Variants in TBC1D13 observed in about 807,000 individuals in gnomAD.
TBC1D13 encodes the protein TBC1 domain family member 13.
Under a neutral mutation model 53.6 loss-of-function variants are expected in TBC1D13, and 40 were observed. The observed-to-expected ratio is 0.75, with a 90% CI of 0.58 to 0.97. The LOEUF (loss-of-function observed/expected upper bound fraction) is 0.97, where lower values mean the gene tolerates loss of function less well. TBC1D13 is among the 50% of genes least tolerant of loss of function. TBC1D13 has a pLI of 0.00. For synonymous variants in TBC1D13, 182 were observed against 197.7 expected (o/e 0.92, Z 0.67); for missense variants, 377 against 499.4 (o/e 0.75, Z 2.34).
chr9:128,797,287 C>A, intron 7 of TBC1D13, 73 bp downstream of exon 7: 2 of 1,511,538 alleles, frequency 1.3e-6, no homozygotes, highest in South Asian at 1.2e-5. Flanking sequence ...AAACTCCTGG[C>A]CACAAGGTGT....
chr9:128,790,305 G>T (rs530929841), intron 2 of TBC1D13, among the ~76,000 whole-genome samples: 3 of 151,444 alleles, frequency 2.0e-5, no homozygotes, highest in African/African-American at 7.3e-5. Flanking sequence ...TGGGTATGGT[G>T]GCTCACGCCT....
At chr9:128,795,993 G>A (rs1008318924) in intron 6 of TBC1D13, among the ~76,000 whole-genome samples, 4 of 152,156 alleles carry the variant, frequency 2.6e-5, no homozygotes, top group African/African-American at 9.7e-5. Flanking sequence ...ATATCTATTT[G>A]CAAATACACA....
rs867356322 is a variant in TBC1D13, at chr9:128,787,384, G to T, written c.23+8G>T. 1 of 1,259,448 alleles carries T rather than the reference G, an allele frequency of 7.9e-7. No individual in the cohort carries two copies. The highest frequency in any genetic ancestry group is 3.1e-5 in the East Asian group (1 of 32,610). The allele number at this position is 1,259,448 out of a possible 1,614,324, so 78.0% of individuals were successfully genotyped here. ...AAGTCTGCACAAGAGCCGGTAAGGG[G>T]CCATGGGGCCTGACCCGGCTGGGCC... is the stretch of plus-strand genomic sequence containing the variant. On this transcript the variant is annotated splice_region_variant and intron_variant, in intron 1 of 11. Coordinates refer to ENST00000372648, the MANE Select transcript of TBC1D13 (RefSeq NM_018201.5).
In TBC1D13 at chr9:128,807,943, A is replaced by G; in HGVS notation, c.*64A>G. On this transcript the variant is annotated 3_prime_UTR_variant, in exon 12 of 12. Coordinates refer to ENST00000372648, the MANE Select transcript of TBC1D13 (RefSeq NM_018201.5). ...CCGACCCTGTGCCCTGGCTCCCGGG[A>G]CACATAGAAACCTGTAGGAACCCAG... 1 of 1,517,486 alleles carries G rather than the reference A, an allele frequency of 6.6e-7. No individual in the cohort carries two copies. Among genetic ancestry groups the G allele is most frequent in the Non-Finnish European group, 9.1e-7 (1 of 1,094,982 alleles). 94.0% of individuals were successfully genotyped at this position (1,517,486 alleles called of 1,614,324 possible).
At chr9:128,806,709 G>GGGAT (rs1480832274) in intron 11 of TBC1D13, among the ~76,000 whole-genome samples, 1 of 152,074 alleles carries the variant, frequency 6.6e-6, no homozygotes, top group Non-Finnish European at 1.5e-5. Flanking sequence ...TTGGGAGGCT[G>GGGAT]GGGTGGGTGG....
intron 6 of TBC1D13, among the ~76,000 whole-genome samples, chr9:128,794,863 G>A (rs921204329): frequency 3.3e-5 from 5 of 151,582 alleles, no homozygotes; most frequent in Admixed American, 2.0e-4. Context: ...AAAAATGTGC[G>A]TGTACTGCAA....
intron 6 of TBC1D13, among the ~76,000 whole-genome samples, chr9:128,794,322 C>T (rs1277347671): frequency 6.6e-6 from 1 of 152,192 alleles, no homozygotes; most frequent in African/African-American, 2.4e-5. Context: ...AGCCAGGCTG[C>T]AGGAAAAAGG....
chr9:128,788,252 G>A, intron 1 of TBC1D13, 82 bp from the exon 2 acceptor site: 1 of 1,234,500 alleles, frequency 8.1e-7, no homozygotes, highest in South Asian at 1.2e-5. Flanking sequence ...TTGGAAACTG[G>A]CAGTGTGAGG....
intron 2 of TBC1D13, among the ~76,000 whole-genome samples, chr9:128,788,723 T>TGGA (rs1554794386): frequency 6.6e-6 from 1 of 151,992 alleles, no homozygotes; most frequent in Admixed American, 6.6e-5. Flanking sequence ...GAATGAGAGT[T>TGGA]GGGACCTTTT....
rs1589579359 is a variant in TBC1D13 at position 128,808,277 on chromosome 9, T to C, written c.*398T>C. The C allele has an allele frequency of 4.1e-6, 1 of 242,178 alleles. No individual in the cohort carries two copies. The highest frequency in any genetic ancestry group is 8.2e-5 in the East Asian group (1 of 12,164). The allele number at this position is 242,178 out of a possible 1,614,324, so 15.0% of individuals were successfully genotyped here. A position where few individuals can be genotyped will look rare whatever the true frequency, so the allele number is the denominator to read the frequency against. The stretch of plus-strand genomic sequence containing the variant: ...GCTTGGCCAATGGGCCAGAAACCGC[T>C]TCTGAGCGGGGCACTTCGGCTGCTC... On this transcript the variant is annotated 3_prime_UTR_variant, in exon 12 of 12. Transcript: ENST00000372648.
intron 7 of TBC1D13, among the ~76,000 whole-genome samples, chr9:128,802,435 G>A (rs1158364158): frequency 6.6e-6 from 1 of 152,168 alleles, no homozygotes; most frequent in Non-Finnish European, 1.5e-5. Flanking sequence ...TCTTGTGTGT[G>A]TACCTGTGTA....
chr9:128,807,137 A>G (rs1589578267), intron 11 of TBC1D13, among the ~76,000 whole-genome samples: 1 of 144,672 alleles, frequency 6.9e-6, no homozygotes, highest in Admixed American at 6.9e-5. Flanking sequence ...TCCAGGCTGG[A>G]GTGCAGTGGT....
intron 3 of TBC1D13, 42 bp from the exon 4 acceptor site, chr9:128,791,338 G>A (rs1231879372): frequency 3.2e-6 from 5 of 1,586,912 alleles, no homozygotes; most frequent in Non-Finnish European, 4.3e-6. Flanking sequence ...TGACGTTGGT[G>A]CAGGAGGGTC....
rs771566752 is a variant in TBC1D13 at position 128,807,890 on chromosome 9, A to G, written c.*11A>G. The G allele has an allele frequency of 9.9e-6, 16 of 1,614,038 alleles. 1 individual carries two copies. The Admixed American group carries it at 1.8e-4, about 18-fold the overall frequency. On this transcript the variant is annotated 3_prime_UTR_variant, in exon 12 of 12. Transcript: ENST00000372648. Reference sequence around the variant, plus strand: ...CAAGACTCAAAGTAGCCCGGCGGCAAGAGGCCCATGTTCCGGAGAGAAGCC... The same window carrying G: ...CAAGACTCAAAGTAGCCCGGCGGCAGGAGGCCCATGTTCCGGAGAGAAGCC...
chr9:128,789,340 C>T (rs972441918), intron 2 of TBC1D13, among the ~76,000 whole-genome samples: 87 of 91,582 alleles, frequency 9.5e-4, no homozygotes, highest in South Asian at 1.8e-3. Context: ...AAAAAAAGAA[C>T]TTCTTATATT....
At chr9:128,797,315 C>T in intron 7 of TBC1D13, 101 bp downstream of exon 7, 1 of 1,284,444 alleles carries the variant, frequency 7.8e-7, no homozygotes, top group East Asian at 2.4e-5. Flanking sequence ...TGACCATCTG[C>T]TTGACAGTTA....
At chr9:128,791,065 AG>A (rs1027419488) in intron 3 of TBC1D13, among the ~76,000 whole-genome samples, 3 of 152,166 alleles carry the variant, frequency 2.0e-5, no homozygotes, top group African/African-American at 7.2e-5. Flanking sequence ...CTTTGCCCAA[AG>A]CTCCCAGCTC....
Position 128,807,978 on chromosome 9 carries a change from A to G in TBC1D13, c.*99A>G. 1.7e-6 allele frequency: 2 copies of G among 1,194,394 alleles called. No individual in the cohort carries two copies. Among genetic ancestry groups the G allele is most frequent in the Admixed American group, 1.9e-5 (1 of 52,578 alleles). 74.0% of individuals were successfully genotyped at this position (1,194,394 alleles called of 1,614,324 possible). A position where few individuals can be genotyped will look rare whatever the true frequency, so the allele number is the denominator to read the frequency against. ...ACCTGTAGGAACCCAGCCTGAGGGGAAGCCACAGGATCGGCCCGAGACCCA... is the reference window on the plus strand; with the variant it reads ...ACCTGTAGGAACCCAGCCTGAGGGGGAGCCACAGGATCGGCCCGAGACCCA... On this transcript the variant is annotated 3_prime_UTR_variant, in exon 12 of 12. Coordinates refer to ENST00000372648, the MANE Select transcript of TBC1D13 (RefSeq NM_018201.5).
At chr9:128,797,792 G>C (rs1189953385) in intron 7 of TBC1D13, among the ~76,000 whole-genome samples, 1 of 152,096 alleles carries the variant, frequency 6.6e-6, no homozygotes, top group Non-Finnish European at 1.5e-5. Context: ...GACAGAGCCA[G>C]ACCCTGTCTC....
Sources: gnomAD v4.1 joint callset for allele counts (sites outside exome capture counted in the v4.1 genomes callset) on GRCh38, gnomAD v4.1.1 for gene constraint, MANE v1.5 for transcripts, NCBI Gene and HGNC (gene_info 2026-07-23, HGNC 2026-07-21) for gene names.